PLAA: variants seen among roughly 807,000 people sequenced by gnomAD.
PLAA encodes phospholipase A-2-activating protein.
In PLAA, 48 loss-of-function variants were observed where a neutral mutation model predicts 84.1. The observed-to-expected ratio is 0.57, with a 90% CI of 0.45 to 0.73. PLAA has a LOEUF of 0.73. PLAA is among the 30% of genes least tolerant of loss of function. The pLI is 0.00. For synonymous variants in PLAA, 392 were observed against 336.6 expected, an observed-to-expected ratio of 1.16 and a Z score of -1.80; for missense variants, 903 against 954.7, an observed-to-expected ratio of 0.95 and a Z score of 0.71.
intron 4 of PLAA, 60 bp from the exon 5 acceptor site, chr9:26,926,620 AC>A (rs1300310805): frequency 8.4e-7 from 1 of 1,183,688 alleles, no homozygotes; most frequent in Non-Finnish European, 1.2e-6. Flanking sequence ...ATGGCTCTAT[AC>A]ATTTTACTAA....
At chr9:26,935,800 TAAAC>T (rs1414907281) in intron 1 of PLAA, among the ~76,000 whole-genome samples, 2 of 151,266 alleles carry the variant, frequency 1.3e-5, no homozygotes, top group African/African-American at 2.4e-5. Context: ...CTAAAACAAA[TAAAC>T]AAAAAAACCC....
Position 26,913,886 on chromosome 9 carries a change from TG to T in PLAA, c.1547del (p.Pro516HisfsTer16). 1 of 1,608,152 alleles carries T rather than the reference TG, an allele frequency of 6.2e-7. No homozygotes were observed. Among genetic ancestry groups the T allele is most frequent in the Non-Finnish European group, 8.5e-7 (1 of 1,175,070 alleles). On this transcript the variant is annotated frameshift_variant, in exon 11 of 14. Transcript: ENST00000397292. LOFTEE classifies it high-confidence loss of function. ...SMGTTMAGVDPFTGNSAYRSA... is the reference protein window; with the variant it reads ...SMGTTMAGVDXFTGNSAYRSA... ...GAAATAAAAAGTATGTACCTGTAAA[TG>T]GATCAACTCCGGCCATGGTAGTTCC...
intron 1 of PLAA, among the ~76,000 whole-genome samples, chr9:26,940,370 A>G (rs1563920918): frequency 6.6e-6 from 1 of 152,382 alleles, no homozygotes; most frequent in East Asian, 1.9e-4. Context: ...CCTTGAGGAC[A>G]TTGTGCTAAA....
At chr9:26,915,678 C>G in intron 10 of PLAA, 3 of 981,152 alleles carry the variant, frequency 3.1e-6, no homozygotes, top group Non-Finnish European at 3.6e-6. Flanking sequence ...TATCCTGATA[C>G]CCTAATTCTC....
chr9:26,912,905 G>A (rs970505042), intron 11 of PLAA, among the ~76,000 whole-genome samples: 1 of 152,062 alleles, frequency 6.6e-6, no homozygotes, highest in Non-Finnish European at 1.5e-5. Flanking sequence ...TGTTACTTTT[G>A]CAATTAAAAA....
At chr9:26,941,866 A>G (rs1190583098) in intron 1 of PLAA, among the ~76,000 whole-genome samples, 1 of 152,152 alleles carries the variant, frequency 6.6e-6, no homozygotes, top group Non-Finnish European at 1.5e-5. Flanking sequence ...CAAAGAATTA[A>G]TTGAAGAACA....
At chr9:26,946,351 G>A (rs1208430950) in intron 1 of PLAA, among the ~76,000 whole-genome samples, 6 of 151,502 alleles carry the variant, frequency 4.0e-5, no homozygotes, top group Non-Finnish European at 7.4e-5. Context: ...AACAGCACAT[G>A]CACAGAAACA....
chr9:26,933,593 C>G (rs1196940219), intron 2 of PLAA, among the ~76,000 whole-genome samples: 1 of 151,814 alleles, frequency 6.6e-6, no homozygotes, highest in Non-Finnish European at 1.5e-5. Flanking sequence ...TCGAGATCAT[C>G]CTGGCTAACA....
chr9:26,946,369 C>G (rs1002115996), intron 1 of PLAA, among the ~76,000 whole-genome samples: 2 of 151,898 alleles, frequency 1.3e-5, no homozygotes, highest in African/African-American at 4.8e-5. Context: ...ACAAAACATC[C>G]GAGAGGTTTC....
intron 4 of PLAA, among the ~76,000 whole-genome samples, chr9:26,927,040 CATATAT>C (rs1375386270): frequency 1.3e-5 from 2 of 151,716 alleles, no homozygotes; most frequent in African/African-American, 4.8e-5. Flanking sequence ...TGACTTGATA[CATATAT>C]ATAGACTATA....
chr9:26,905,857 T>A lies in PLAA; in HGVS notation c.2042A>T (p.Glu681Val), dbSNP rs1203306337. The change falls in exon 14 of 14, where the codon GAA becomes GTA. Residue 681 changes from glutamate (E) to valine (V), a missense_variant. Glu to Val is a moderately radical substitution (Grantham distance 121, BLOSUM62 -2). Transcript: ENST00000397292. ...TTCTATTGCATGGGACATCAGTGAT[T>A]CCCTCTGGGACATCATGAGTTTTTG... Reference protein sequence around the residue: ...AGQKLMMSQRESLMSHAIELK... With the variant: ...AGQKLMMSQRVSLMSHAIELK... 1 of 1,614,052 alleles carries A rather than the reference T, an allele frequency of 6.2e-7. No individual in the cohort carries two copies. The highest frequency in any genetic ancestry group is 1.3e-5 in the African/African-American group (1 of 74,946).
At chr9:26,917,283 C>T (rs1824594241) in intron 9 of PLAA, 118 bp from the exon 10 acceptor site, 1 of 727,786 alleles carries the variant, frequency 1.4e-6, no homozygotes, top group Non-Finnish European at 2.4e-6. Flanking sequence ...GCAAAACTTT[C>T]ACATGATAGA....
intron 1 of PLAA, among the ~76,000 whole-genome samples, chr9:26,944,018 G>A (rs949318855): frequency 6.6e-6 from 1 of 152,136 alleles, no homozygotes; most frequent in African/African-American, 2.4e-5. Context: ...TTCATGTGCT[G>A]GAAACTTAAC....
At position 26,947,017 on chromosome 9, in the gene PLAA, A is replaced by G; in HGVS notation, c.29T>C (p.Leu10Pro). 6.3e-7 allele frequency: 1 copy of G among 1,592,074 alleles called. No individual in the cohort carries two copies. Among genetic ancestry groups the G allele is most frequent in the Non-Finnish European group, 8.5e-7 (1 of 1,170,090 alleles). The change falls in exon 1 of 14, where the codon CTG (leucine) becomes CCG (proline). Residue 10 changes from leucine to proline, a missense_variant. By Grantham distance (98) the Leu-to-Pro change is moderately conservative. Coordinates refer to ENST00000397292, the MANE Select transcript of PLAA (RefSeq NM_001031689.3). Reference protein sequence around the residue: MTSGATRYRLSCSLRGHELD... With the variant: MTSGATRYRPSCSLRGHELD... Reference sequence around the variant, plus strand: ...CTCGTGGCCCCGGAGCGAGCAGCTCAGCCGGTACCTGGTTGCGCCGCTCGT... The same window carrying G: ...CTCGTGGCCCCGGAGCGAGCAGCTCGGCCGGTACCTGGTTGCGCCGCTCGT...
intron 1 of PLAA, among the ~76,000 whole-genome samples, chr9:26,943,243 AC>A (rs1174549999): frequency 6.6e-6 from 1 of 152,154 alleles, no homozygotes; most frequent in Admixed American, 6.5e-5. Flanking sequence ...TGCCCAACCA[AC>A]AGATATGTCT....
chr9:26,926,954 T>C (rs1379550235), intron 4 of PLAA, among the ~76,000 whole-genome samples: 1 of 151,900 alleles, frequency 6.6e-6, no homozygotes, highest in African/African-American at 2.4e-5. Context: ...GAACAAAACA[T>C]TCTCTGAAGC....
At chr9:26,909,778 C>T (rs952297469) in intron 12 of PLAA, among the ~76,000 whole-genome samples, 2 of 152,030 alleles carry the variant, frequency 1.3e-5, no homozygotes, top group East Asian at 3.9e-4. Context: ...CGCCCACCAC[C>T]ACGCCCGGCT....
At position 26,935,094 on chromosome 9, in the gene PLAA, C is replaced by T. The variant is rs1825316869; in HGVS notation, c.262G>A (p.Gly88Ser). The T allele has an allele frequency of 7.5e-6, 12 of 1,609,978 alleles. No individual in the cohort carries two copies. The highest frequency in any genetic ancestry group is 1.1e-5 in the South Asian group (1 of 90,158). The change falls in exon 2 of 14, where the codon GGT (glycine) becomes AGT (serine). Residue 88 changes from glycine to serine, a missense_variant. Gly to Ser is a moderately conservative substitution (Grantham distance 56). Transcript: ENST00000397292. ...DIYPHGLIAT[G>S]GNDHNICIFS... ...ATGCATATATTGTGGTCATTTCCAC[C>T]GGTGGCAATTAGGCCATGAGGGTAG...
rs1825350887 is a variant in PLAA, at chr9:26,936,179, T to G, written c.150-973A>C. ...CATCTATTTTCACTTCCTTCCCAAA[T>G]TCCACTAAAAACAATAAATACTTAT... On this transcript the variant is annotated intron_variant, in intron 1 of 13. Transcript: ENST00000397292. Among the ~76,000 whole-genome samples the G allele has an allele frequency of 2.0e-5, 3 of 151,972 alleles. No homozygotes were observed. In the South Asian group the frequency reaches 6.2e-4, roughly 31 times the overall value.
Sources: allele counts gnomAD v4.1 joint callset (sites outside exome capture counted in the v4.1 genomes callset), GRCh38; gene constraint gnomAD v4.1.1; transcripts MANE v1.5; gene names NCBI Gene and HGNC (gene_info 2026-07-23, HGNC 2026-07-21).